CTNNA3: variants seen among roughly 807,000 people sequenced by gnomAD.
CTNNA3 encodes the protein catenin alpha 3.
A neutral mutation model predicts 95.7 loss-of-function variants in CTNNA3; 76 were observed. The observed-to-expected ratio is 0.79, with a 90% confidence interval of 0.66 to 0.96. The LOEUF (loss-of-function observed/expected upper bound fraction) is 0.96. CTNNA3 is among the 40% of genes least tolerant of loss of function. CTNNA3 has a pLI of 0.00. For missense variants in CTNNA3, 1,191 were observed against 1,089.8 expected (o/e 1.09, Z -1.31); for synonymous variants, 431 against 374.4 (o/e 1.15, Z -1.74).
chr10:66,479,276 T>C (rs1291502727), intron 11 of CTNNA3, among the ~76,000 whole-genome samples: 1 of 148,494 alleles, frequency 6.7e-6, no homozygotes, highest in African/African-American at 2.5e-5. Context: ...TCAATTTGTA[T>C]GCCAGTACCA....
intron 7 of CTNNA3, among the ~76,000 whole-genome samples, chr10:67,122,181 A>C (rs1346181020): frequency 6.6e-6 from 1 of 152,040 alleles, no homozygotes; most frequent in Non-Finnish European, 1.5e-5. Flanking sequence ...AGCAGACTCT[A>C]CATATGAAAA....
chr10:67,425,048 C>T (rs1376464612), intron 5 of CTNNA3, among the ~76,000 whole-genome samples: 1 of 152,052 alleles, frequency 6.6e-6, no homozygotes, highest in Admixed American at 6.6e-5. Context: ...TAGTATAATG[C>T]TTCAAAAGTA....
intron 5 of CTNNA3, among the ~76,000 whole-genome samples, chr10:67,306,769 T>C (rs1840568527): frequency 6.6e-6 from 1 of 152,032 alleles, no homozygotes; most frequent in African/African-American, 2.4e-5. Context: ...TCTAGAGCCC[T>C]CTGCTGGTGG....
At chr10:65,995,451 T>G (rs1366182515) in intron 15 of CTNNA3, among the ~76,000 whole-genome samples, 1 of 152,220 alleles carries the variant, frequency 6.6e-6, no homozygotes, top group East Asian at 1.9e-4. Context: ...CCTCTGTCAA[T>G]TAGGCTGTGG....
In CTNNA3 at chr10:67,567,516, T is replaced by C. The variant is rs200535877; in HGVS notation, c.293-27847A>G. 2.0e-5 allele frequency among the ~76,000 whole-genome samples: 3 copies of C among 152,214 alleles called. No homozygotes were observed. In the East Asian group the frequency reaches 5.8e-4, roughly 29 times the overall value. On this transcript the variant is annotated intron_variant, in intron 3 of 17. Coordinates refer to ENST00000433211, the MANE Select transcript of CTNNA3 (RefSeq NM_013266.4). ...TACGTTACTTGGGTGATGAATACCT[T>C]GAAAGCCCTGACTTAACCACTATGT...
intron 5 of CTNNA3, among the ~76,000 whole-genome samples, chr10:67,284,858 T>C (rs1363972825): frequency 6.6e-6 from 1 of 152,014 alleles, no homozygotes; most frequent in African/African-American, 2.4e-5. Context: ...AAAAGAAAAA[T>C]AGCTCAGAGA....
chr10:67,602,824 C>T (rs1047977336), intron 3 of CTNNA3, among the ~76,000 whole-genome samples: 1 of 152,162 alleles, frequency 6.6e-6, no homozygotes, highest in East Asian at 1.9e-4. Context: ...CAGGATAGGG[C>T]TCATATCCCT....
At chr10:67,736,556 C>T (rs974962372) in intron 1 of CTNNA3, among the ~76,000 whole-genome samples, 9 of 150,590 alleles carry the variant, frequency 6.0e-5, no homozygotes, top group Non-Finnish European at 1.0e-4. Flanking sequence ...CCCAGTTTCA[C>T]GCCATTCTCC....
At chr10:66,761,473 C>A (rs1022030976) in intron 9 of CTNNA3, among the ~76,000 whole-genome samples, 1 of 151,958 alleles carries the variant, frequency 6.6e-6, no homozygotes, top group East Asian at 1.9e-4. Context: ...TATTTAATAA[C>A]TAATACGATA....
intron 10 of CTNNA3, among the ~76,000 whole-genome samples, chr10:66,594,891 C>T (rs1423898185): frequency 6.6e-6 from 1 of 151,990 alleles, no homozygotes; most frequent in African/African-American, 2.4e-5. Flanking sequence ...TAATATCTGC[C>T]ATATAAGTTT....
At chr10:67,266,509 A>G (rs1005970605) in intron 5 of CTNNA3, among the ~76,000 whole-genome samples, 6 of 152,188 alleles carry the variant, frequency 3.9e-5, no homozygotes, top group Non-Finnish European at 8.8e-5. Context: ...GATATAATCT[A>G]GAATATGATA....
At chr10:66,836,850 G>C (rs1251183900) in intron 7 of CTNNA3, among the ~76,000 whole-genome samples, 2 of 152,034 alleles carry the variant, frequency 1.3e-5, no homozygotes, top group East Asian at 3.9e-4. Flanking sequence ...AAAAACTTCT[G>C]TGTTGCCTCG....
chr10:66,835,424 C>G (rs1209892222), intron 7 of CTNNA3, among the ~76,000 whole-genome samples: 2 of 152,186 alleles, frequency 1.3e-5, no homozygotes, highest in Admixed American at 1.3e-4. Flanking sequence ...TGGGGCCCAG[C>G]AATCAATAGT....
rs144605884 is a variant in CTNNA3 at position 67,271,567 on chromosome 10, C to T, written c.580-51697G>A. 4.9e-3 allele frequency among the ~76,000 whole-genome samples: 742 copies of T among 152,250 alleles called. 8 individuals are homozygous for T. Among genetic ancestry groups the T allele is most frequent in the African/African-American group, 0.017 (702 of 41,554 alleles). On this transcript the variant is annotated intron_variant, in intron 5 of 17. Coordinates refer to ENST00000433211, the MANE Select transcript of CTNNA3 (RefSeq NM_013266.4). ...GCAATGTGAGAACGGACTAATACAA[C>T]TACACTCTTCTAATCACTTTATTTT... is the stretch of plus-strand genomic sequence containing the variant.
At chr10:66,299,110 TCAAGTTGTC>T (rs1175596621) in intron 12 of CTNNA3, among the ~76,000 whole-genome samples, 1 of 152,196 alleles carries the variant, frequency 6.6e-6, no homozygotes, top group Non-Finnish European at 1.5e-5. Flanking sequence ...GGCCTTTGCT[TCAAGTTGTC>T]CCGCCTTTCT....
At chr10:66,119,671 T>A (rs889341474) in intron 13 of CTNNA3, among the ~76,000 whole-genome samples, 3 of 152,168 alleles carry the variant, frequency 2.0e-5, no homozygotes, top group Admixed American at 6.5e-5. Flanking sequence ...AGGGGTAAAT[T>A]CAGTCATTCT....
chr10:67,274,892 T>C (rs1359376080), intron 5 of CTNNA3, among the ~76,000 whole-genome samples: 1 of 152,270 alleles, frequency 6.6e-6, no homozygotes, highest in Non-Finnish European at 1.5e-5. Context: ...ATGATTATTA[T>C]TTAATTTAAT....
At chr10:66,068,912 C>T (rs1052190881) in intron 15 of CTNNA3, among the ~76,000 whole-genome samples, 3 of 152,130 alleles carry the variant, frequency 2.0e-5, no homozygotes. Flanking sequence ...ATACCACTAT[C>T]CTGATTATGC....
intron 7 of CTNNA3, among the ~76,000 whole-genome samples, chr10:66,779,788 T>C (rs1409898875): frequency 1.3e-5 from 2 of 152,258 alleles, no homozygotes; most frequent in Non-Finnish European, 2.9e-5. Flanking sequence ...ACTTCTTTTA[T>C]AACACTTGGT....
Sources: gnomAD v4.1 joint callset for allele counts (sites outside exome capture counted in the v4.1 genomes callset) on GRCh38, gnomAD v4.1.1 for gene constraint, MANE v1.5 for transcripts, NCBI Gene and HGNC (gene_info 2026-07-23, HGNC 2026-07-21) for gene names.